AKT3: variants seen among roughly 807,000 people sequenced by gnomAD.
AKT3 encodes the protein RAC-gamma serine/threonine-protein kinase.
AKT3 carries 15 observed loss-of-function variants against 65.3 expected under a neutral mutation model. The observed-to-expected ratio is 0.23, with a 90% CI of 0.15 to 0.35. The LOEUF is 0.35. Ranked by LOEUF, AKT3 falls within the 10% of genes least tolerant of loss-of-function variation. The probability of loss-of-function intolerance (pLI) is 1.00; values close to 1 mark genes in which losing one functional copy is unlikely to be tolerated. For synonymous variants in AKT3, 206 were observed against 183.8 expected, an observed-to-expected ratio of 1.12 and a Z score of -0.98; for missense variants, 243 against 576.5, an observed-to-expected ratio of 0.42 and a Z score of 5.92.
At chr1:243,586,047 C>T (rs965410600) in intron 8 of AKT3, among the ~76,000 whole-genome samples, 19 of 152,042 alleles carry the variant, frequency 1.2e-4, no homozygotes, top group African/African-American at 4.6e-4. Flanking sequence ...ACACAAGTAA[C>T]CCAATAAAAA....
intron 12 of AKT3, among the ~76,000 whole-genome samples, chr1:243,529,806 G>C (rs1388432452): frequency 6.6e-6 from 1 of 152,038 alleles, no homozygotes; most frequent in Non-Finnish European, 1.5e-5. Context: ...TTTAAAAATA[G>C]TTTGGTTTTT....
At chr1:243,575,242 GCCT>G (rs1249442285) in intron 8 of AKT3, among the ~76,000 whole-genome samples, 1 of 152,058 alleles carries the variant, frequency 6.6e-6, no homozygotes, top group Non-Finnish European at 1.5e-5. Context: ...CTCCTGATTT[GCCT>G]CCTAACTCTC....
At chr1:243,620,758 T>C (rs1270896778) in intron 6 of AKT3, among the ~76,000 whole-genome samples, 3 of 152,134 alleles carry the variant, frequency 2.0e-5, no homozygotes, top group African/African-American at 7.2e-5. Context: ...CAAACATTAT[T>C]GCGCCTTTCT....
At chr1:243,567,164 C>T (rs1354303642) in intron 9 of AKT3, among the ~76,000 whole-genome samples, 2 of 152,044 alleles carry the variant, frequency 1.3e-5, no homozygotes, top group Non-Finnish European at 2.9e-5. Flanking sequence ...GCTTGTGGTG[C>T]CAGCTACTCT....
intron 2 of AKT3, among the ~76,000 whole-genome samples, chr1:243,811,401 G>A (rs1461821975): frequency 6.6e-6 from 1 of 152,092 alleles, no homozygotes; most frequent in Non-Finnish European, 1.5e-5. Context: ...GCCAAATTAT[G>A]AGTGAACTCC....
At chr1:243,536,992 C>T (rs1671981812) in intron 12 of AKT3, among the ~76,000 whole-genome samples, 1 of 152,156 alleles carries the variant, frequency 6.6e-6, no homozygotes, top group Admixed American at 6.5e-5. Flanking sequence ...AGCTTACAAT[C>T]ATTAACCTCT....
At chr1:243,721,131 C>T (rs950018598) in intron 2 of AKT3, among the ~76,000 whole-genome samples, 3 of 152,114 alleles carry the variant, frequency 2.0e-5, no homozygotes, top group Non-Finnish European at 4.4e-5. Context: ...CCAAAGCCAG[C>T]CATAAAAACT....
chr1:243,646,524 T>C (rs2147848560), intron 4 of AKT3, among the ~76,000 whole-genome samples: 1 of 152,172 alleles, frequency 6.6e-6, no homozygotes, highest in African/African-American at 2.4e-5. Context: ...CTGACTAATT[T>C]TTGTATTTTT....
chr1:243,795,083 ATC>A (rs1271505106), intron 2 of AKT3, among the ~76,000 whole-genome samples: 4 of 150,572 alleles, frequency 2.7e-5, no homozygotes, highest in African/African-American at 9.8e-5. Flanking sequence ...CCCTTATGGT[ATC>A]TGTTTTCTCC....
intron 2 of AKT3, among the ~76,000 whole-genome samples, chr1:243,807,374 C>A (rs769897659): frequency 5.3e-5 from 8 of 152,348 alleles, no homozygotes; most frequent in South Asian, 4.1e-4. Context: ...AAACGGCACA[C>A]CAGGAGATTA....
chr1:243,790,567 G>T (rs575580892), intron 2 of AKT3, among the ~76,000 whole-genome samples: 1 of 152,102 alleles, frequency 6.6e-6, no homozygotes, highest in Non-Finnish European at 1.5e-5. Flanking sequence ...CGGCTGTTTC[G>T]CTTTCTTATC....
Position 243,642,524 on chromosome 1 carries a change from T to C in AKT3, c.429+3369A>G, listed in dbSNP as rs180917000. 6.7e-3 allele frequency among the ~76,000 whole-genome samples: 1,024 copies of C among 152,172 alleles called. 7 individuals carry two copies. The highest frequency in any genetic ancestry group is 0.021 in the East Asian group (110 of 5,182). ...CGGGGTTTCACCGTGTTAGCCAGGATGGTCTCGATCTCCTGACCTTGTGAT... is the reference window on the plus strand; with the variant it reads ...CGGGGTTTCACCGTGTTAGCCAGGACGGTCTCGATCTCCTGACCTTGTGAT... On this transcript the variant is annotated intron_variant, in intron 5 of 13. Transcript: ENST00000673466.
chr1:243,496,957 G>GC (rs1179993509), downstream of AKT3, among the ~76,000 whole-genome samples: 6 of 152,272 alleles, frequency 3.9e-5, no homozygotes, highest in South Asian at 4.1e-4. Flanking sequence ...GCGCCCTGTC[G>GC]CCCCCCTCTG....
chr1:243,817,081 A>G lies in AKT3; in HGVS notation c.46+26044T>C, dbSNP rs140432185. On this transcript the variant is annotated intron_variant, in intron 2 of 13. Transcript: ENST00000673466. ...AAAGTAATCCAGGATGACCTGCTAG[A>G]GAGAGGCAACATGGAGGCGAACTGA... Among the ~76,000 whole-genome samples the G allele has an allele frequency of 3.3e-3, 508 of 152,284 alleles. 4 individuals are homozygous for G. Among genetic ancestry groups the G allele is most frequent in the African/African-American group, 0.012 (503 of 41,558 alleles).
intron 2 of AKT3, among the ~76,000 whole-genome samples, chr1:243,839,627 T>C (rs1331129879): frequency 6.6e-6 from 1 of 152,198 alleles, no homozygotes; most frequent in Admixed American, 6.5e-5. Context: ...AAAGCATTTA[T>C]CCTACGTAAT....
At position 243,592,716 on chromosome 1, in the gene AKT3, A is replaced by C. The variant is rs575071697; in HGVS notation, c.697-19668T>G. ...AAATTGTTCAAGAAAATGTTTCAGA[A>C]TGAAGGAAAATGACACCACATGGAA... On this transcript the variant is annotated intron_variant, in intron 8 of 13. Transcript: ENST00000673466. Among the ~76,000 whole-genome samples the C allele has an allele frequency of 5.3e-5, 8 of 152,324 alleles. No homozygotes were observed. The South Asian group carries it at 1.7e-3, about 32-fold the overall frequency.
chr1:243,499,061 G>A (rs918404059), downstream of AKT3, among the ~76,000 whole-genome samples: 2 of 152,172 alleles, frequency 1.3e-5, no homozygotes, highest in African/African-American at 4.8e-5. Flanking sequence ...TCTAGTTCCT[G>A]ATGTGGTTTA....
rs1161344706 is a variant in AKT3, at chr1:243,563,906, C to G, written c.820-58G>C. 6 of 1,512,078 alleles carry G rather than the reference C, an allele frequency of 4.0e-6. No individual in the cohort carries two copies. The African/African-American group carries it at 8.5e-5, about 21-fold the overall frequency. 93.7% of individuals were successfully genotyped at this position (1,512,078 alleles called of 1,614,324 possible). A position where few individuals can be genotyped will look rare whatever the true frequency, so the allele number is the denominator to read the frequency against. On this transcript the variant is annotated intron_variant, in intron 9 of 13. Transcript: ENST00000673466. ...TATAGTCTTCAACAACATGAAAATA[C>G]CATTTTAAAAAACTACTGAATGCTG...
chr1:243,709,783 A>G (rs767009126), intron 2 of AKT3, among the ~76,000 whole-genome samples: 3 of 152,094 alleles, frequency 2.0e-5, no homozygotes, highest in Non-Finnish European at 2.9e-5. Context: ...ATGCCAGGAA[A>G]CAACAACTGC....
Sources: allele counts gnomAD v4.1 joint callset (sites outside exome capture counted in the v4.1 genomes callset), GRCh38; gene constraint gnomAD v4.1.1; transcripts MANE v1.5; gene names NCBI Gene and HGNC (gene_info 2026-07-23, HGNC 2026-07-21).